PPFIBP1: variants seen among roughly 807,000 people sequenced by gnomAD.
PPFIBP1 encodes the protein liprin-beta-1.
In PPFIBP1, 112 loss-of-function variants were observed where a neutral mutation model predicts 137.8. The ratio of observed to expected loss-of-function variants is 0.81; its 90% CI spans 0.70 to 0.95. The LOEUF (loss-of-function observed/expected upper bound fraction) is 0.95, where lower values mean the gene tolerates loss of function less well. Ranked by LOEUF, PPFIBP1 falls within the 40% of genes least tolerant of loss-of-function variation. The probability of loss-of-function intolerance (pLI) is 0.00; values close to 1 mark genes in which losing one functional copy is unlikely to be tolerated. For synonymous variants in PPFIBP1, 378 were observed against 417.3 expected (o/e 0.91, Z 1.15); for missense variants, 1,083 against 1,196.6 (o/e 0.91, Z 1.40).
At chr12:27,574,050 G>A (rs965276709) in intron 1 of PPFIBP1, among the ~76,000 whole-genome samples, 1 of 151,580 alleles carries the variant, frequency 6.6e-6, no homozygotes, top group Non-Finnish European at 1.5e-5. Flanking sequence ...ACTTGGTGAT[G>A]AGTAATTTAG....
At chr12:27,604,377 C>T (rs915192956) in intron 2 of PPFIBP1, among the ~76,000 whole-genome samples, 8 of 151,932 alleles carry the variant, frequency 5.3e-5, no homozygotes, top group East Asian at 3.9e-4. Context: ...TGAGCAGAAC[C>T]GCAACAGGTG....
intron 1 of PPFIBP1, among the ~76,000 whole-genome samples, chr12:27,560,698 G>A (rs2049085464): frequency 6.6e-6 from 1 of 152,182 alleles, no homozygotes; most frequent in African/African-American, 2.4e-5. Flanking sequence ...TGAGTAGATA[G>A]AGGTTGAGAG....
At chr12:27,570,275 G>A (rs1200266083) in intron 1 of PPFIBP1, among the ~76,000 whole-genome samples, 2 of 151,978 alleles carry the variant, frequency 1.3e-5, no homozygotes, top group Non-Finnish European at 2.9e-5. Context: ...TATCGAATAT[G>A]CAGTTCTGTT....
intron 2 of PPFIBP1, among the ~76,000 whole-genome samples, chr12:27,585,387 C>T (rs1256617123): frequency 6.6e-6 from 1 of 152,162 alleles, no homozygotes; most frequent in African/African-American, 2.4e-5. Context: ...CCCTGCACCC[C>T]CCTCATATAA....
intron 2 of PPFIBP1, among the ~76,000 whole-genome samples, chr12:27,595,588 C>T (rs1592717671): frequency 6.6e-6 from 1 of 152,254 alleles, no homozygotes; most frequent in Non-Finnish European, 1.5e-5. Context: ...GGCGCAGTGG[C>T]TCACGCTTAT....
chr12:27,620,070 G>A (rs1203791006), intron 2 of PPFIBP1, among the ~76,000 whole-genome samples: 1 of 151,396 alleles, frequency 6.6e-6, no homozygotes, highest in African/African-American at 2.4e-5. Flanking sequence ...ACCCTGACCC[G>A]AGCCACCAAT....
chr12:27,530,120 A>G (rs1944250080), intron 1 of PPFIBP1, among the ~76,000 whole-genome samples: 1 of 152,232 alleles, frequency 6.6e-6, no homozygotes, highest in Non-Finnish European at 1.5e-5. Flanking sequence ...GGCGGCTGCT[A>G]TTGCATAAAG....
At chr12:27,549,945 C>G (rs554287656) in intron 1 of PPFIBP1, among the ~76,000 whole-genome samples, 11 of 152,296 alleles carry the variant, frequency 7.2e-5, no homozygotes, top group Admixed American at 1.3e-4. Context: ...CGTAACCTCC[C>G]GGAGAGTCAG....
At chr12:27,638,368 T>A (rs1269970739) in intron 4 of PPFIBP1, among the ~76,000 whole-genome samples, 1 of 152,198 alleles carries the variant, frequency 6.6e-6, no homozygotes, top group African/African-American at 2.4e-5. Context: ...AAGCAGTGAA[T>A]GATAAGGCAG....
chr12:27,571,173 C>A (rs143973609), intron 1 of PPFIBP1, among the ~76,000 whole-genome samples: 1 of 152,070 alleles, frequency 6.6e-6, no homozygotes, highest in East Asian at 1.9e-4. Flanking sequence ...ACTCCTGTAA[C>A]CTGGTTCTGC....
chr12:27,637,527 T>C (rs2346753), intron 4 of PPFIBP1, among the ~76,000 whole-genome samples: 89,171 of 151,828 alleles, frequency 0.59, 26,711 homozygotes, highest in Admixed American at 0.65. Flanking sequence ...AGATAAGGAA[T>C]TTTTGTTGTT....
In PPFIBP1 at chr12:27,681,543, T is replaced by A; in HGVS notation, c.1896-3T>A. ...TTTCATGCAATTACTCATTTTCCTGTAGTGACTTGGATATGCCATTTGCCA... is the reference window on the plus strand; with the variant it reads ...TTTCATGCAATTACTCATTTTCCTGAAGTGACTTGGATATGCCATTTGCCA... On this transcript the variant is annotated splice_polypyrimidine_tract_variant and splice_region_variant and intron_variant, in intron 21 of 29. Transcript: ENST00000228425. The A allele has an allele frequency of 6.2e-7, 1 of 1,613,518 alleles. No homozygotes were observed. Among genetic ancestry groups the A allele is most frequent in the Non-Finnish European group, 8.5e-7 (1 of 1,179,524 alleles).
intron 2 of PPFIBP1, among the ~76,000 whole-genome samples, chr12:27,617,163 G>A (rs1019657293): frequency 6.6e-6 from 1 of 152,186 alleles, no homozygotes; most frequent in African/African-American, 2.4e-5. Context: ...AATAGAGGTG[G>A]CATAAATACC....
intron 1 of PPFIBP1, among the ~76,000 whole-genome samples, chr12:27,540,271 A>C (rs1450810166): frequency 1.3e-5 from 2 of 150,458 alleles, no homozygotes; most frequent in Admixed American, 6.6e-5. Flanking sequence ...AGTAGTACTG[A>C]GGTTGAGAAA....
At chr12:27,633,302 A>G (rs1245010744) in intron 2 of PPFIBP1, 60 bp from the exon 3 acceptor site, 1 of 1,164,556 alleles carries the variant, frequency 8.6e-7, no homozygotes, top group Non-Finnish European at 1.3e-6. Flanking sequence ...GGTGAATTAG[A>G]AACCCACTAG....
chr12:27,692,067 A>G, intron 28 of PPFIBP1, 139 bp downstream of exon 28: 4 of 694,790 alleles, frequency 5.8e-6, no homozygotes, highest in Non-Finnish European at 6.9e-6. Flanking sequence ...ACACTTAGAG[A>G]TCACTTATAT....
chr12:27,533,725 G>A (rs1944651570), intron 1 of PPFIBP1, among the ~76,000 whole-genome samples: 1 of 152,188 alleles, frequency 6.6e-6, no homozygotes, highest in African/African-American at 2.4e-5. Flanking sequence ...GAGAATGGTT[G>A]AGCTCCCCGA....
chr12:27,593,281 G>T (rs897741547), intron 2 of PPFIBP1: 31 of 261,362 alleles, frequency 1.2e-4, no homozygotes, highest in East Asian at 7.1e-4. Context: ...TTTCTTCGTT[G>T]TCTGTCTCCC....
At chr12:27,591,927 G>A (rs2052564048) in intron 2 of PPFIBP1, among the ~76,000 whole-genome samples, 1 of 152,226 alleles carries the variant, frequency 6.6e-6, no homozygotes, top group Non-Finnish European at 1.5e-5. Flanking sequence ...GCAAGTTCAA[G>A]CCAAATCATC....
Sources: allele counts gnomAD v4.1 joint callset (sites outside exome capture counted in the v4.1 genomes callset), GRCh38; gene constraint gnomAD v4.1.1; transcripts MANE v1.5; gene names NCBI Gene and HGNC (gene_info 2026-07-23, HGNC 2026-07-21).